The following SCN8A variants were observed in gnomAD, a reference collection of about 807,000 sequenced individuals.
The protein encoded by SCN8A is sodium channel protein type 8 subunit alpha.
In SCN8A, 30 loss-of-function variants were observed where a neutral mutation model predicts 184.1. That is an observed-to-expected ratio of 0.16 (90% CI 0.12 to 0.22). The LOEUF is 0.22. SCN8A is among the 10% of genes least tolerant of loss of function. The pLI is 1.00. For missense variants in SCN8A, 1,057 were observed against 2,498.9 expected (o/e 0.42, Z 12.30); for synonymous variants, 852 against 907.0 (o/e 0.94, Z 1.09).
At chr12:51,752,490 C>T (rs1942611339) in intron 14 of SCN8A, among the ~76,000 whole-genome samples, 3 of 152,124 alleles carry the variant, frequency 2.0e-5, no homozygotes, top group African/African-American at 7.2e-5. Context: ...TAGAGCACTA[C>T]AATATCATTT....
chr12:51,605,115 CTTTCT>C (rs1939559528), intron 1 of SCN8A, among the ~76,000 whole-genome samples: 1 of 150,386 alleles, frequency 6.6e-6, no homozygotes, highest in Non-Finnish European at 1.5e-5. Flanking sequence ...ATTGTCATAG[CTTTCT>C]TTTCTTTCCC....
At chr12:51,785,763 C>G (rs1340396750) in intron 21 of SCN8A, among the ~76,000 whole-genome samples, 2 of 152,086 alleles carry the variant, frequency 1.3e-5, no homozygotes, top group African/African-American at 4.8e-5. Flanking sequence ...CCAAAACTCT[C>G]TTAAAAACCT....
At chr12:51,690,419 G>A (rs1056038779) in intron 6 of SCN8A, among the ~76,000 whole-genome samples, 2 of 151,966 alleles carry the variant, frequency 1.3e-5, no homozygotes, top group Non-Finnish European at 2.9e-5. Flanking sequence ...GTGGTACGAT[G>A]ATGGCTCACT....
rs1592148218 is a variant in SCN8A at position 51,762,626 on chromosome 12, C to T, written c.2494C>T (p.Leu832=). ...TATTGTCTCCCTCAGTTTAATGGAA[C>T]TGAGTCTAGCAGACGTGGAGGGGCT... ...GFIVSLSLME[L]SLADVEGLSV... is the part of the protein sequence containing the mutation. Residue 832 remains leucine (L), a synonymous_variant, in exon 15 of 27, where the codon CTG becomes TTG. Coordinates refer to ENST00000627620, the MANE Select transcript of SCN8A (RefSeq NM_001330260.2). The T allele has an allele frequency of 6.2e-7, 1 of 1,611,954 alleles. No homozygotes were observed. Among genetic ancestry groups the T allele is most frequent in the East Asian group, 2.2e-5 (1 of 44,728 alleles).
intron 1 of SCN8A, among the ~76,000 whole-genome samples, chr12:51,613,053 C>T (rs2138581156): frequency 6.6e-6 from 1 of 152,192 alleles, no homozygotes; most frequent in South Asian, 2.1e-4. Context: ...AGAAGTTTTG[C>T]ATTATCTGTG....
At chr12:51,680,128 A>G (rs1400772688) in intron 2 of SCN8A, among the ~76,000 whole-genome samples, 1 of 152,126 alleles carries the variant, frequency 6.6e-6, no homozygotes, top group Non-Finnish European at 1.5e-5. Flanking sequence ...AGTATGGGAG[A>G]TTTACCTTCA....
Position 51,737,708 on chromosome 12 carries a change from A to G in SCN8A, c.1999-8195A>G, listed in dbSNP as rs546054329. Among the ~76,000 whole-genome samples the G allele has an allele frequency of 1.1e-4, 17 of 152,328 alleles. 1 individual carries two copies. In the South Asian group the frequency reaches 3.3e-3, roughly 30 times the overall value. On this transcript the variant is annotated intron_variant, in intron 12 of 26. Transcript: ENST00000627620. ...ACCAGCACGAGAAATTGAATTTTGT[A>G]AGTGATCATATAACACTTAGCAGGC...
rs950867413 is a variant in SCN8A at position 51,768,386 on chromosome 12, G to A, written c.2902-479G>A. On this transcript the variant is annotated intron_variant, in intron 16 of 26. Transcript: ENST00000627620. Reference sequence around the variant, plus strand: ...TTCTTAAAATATGATGACATGAAGTGTATTTCAGTTCTACCTTCTTGGTTT... The same window carrying A: ...TTCTTAAAATATGATGACATGAAGTATATTTCAGTTCTACCTTCTTGGTTT... Among the ~76,000 whole-genome samples, 45 of 152,042 alleles carry A rather than the reference G, an allele frequency of 3.0e-4. 1 individual carries two copies. Among genetic ancestry groups the A allele is most frequent in the Admixed American group, 2.1e-3 (32 of 15,252 alleles).
At chr12:51,598,856 T>A (rs1939403645) in intron 1 of SCN8A, among the ~76,000 whole-genome samples, 1 of 152,204 alleles carries the variant, frequency 6.6e-6, no homozygotes, top group Admixed American at 6.5e-5. Context: ...ATTTGAGGAT[T>A]TGGATTCTCA....
In SCN8A at chr12:51,807,501, T is replaced by TA; in HGVS notation, c.*73dup. On this transcript the variant is annotated 3_prime_UTR_variant, in exon 27 of 27. Coordinates refer to ENST00000627620, the MANE Select transcript of SCN8A (RefSeq NM_001330260.2). This position sits in a 1 kb window ranked among gnomAD's most constrained non-coding sequence, Gnocchi z 4.5. ...AAAGATTGTTTACAAACTTCCTGAA[T>TA]ATTATCAATGCAGAACAGCTGTGGA... 6.9e-7 allele frequency: 1 copy of TA among 1,449,956 alleles called. No homozygotes were observed. Among genetic ancestry groups the TA allele is most frequent in the Non-Finnish European group, 9.5e-7 (1 of 1,056,400 alleles). 89.8% of individuals were successfully genotyped at this position (1,449,956 alleles called of 1,614,324 possible).
chr12:51,789,445 G>A (rs377527672), intron 24 of SCN8A, 27 bp downstream of exon 24: 35 of 1,611,904 alleles, frequency 2.2e-5, no homozygotes, highest in Non-Finnish European at 2.7e-5. Flanking sequence ...CATTGCCAGT[G>A]GTTGGAAGTC....
Position 51,769,253 on chromosome 12 carries a change from C to T in SCN8A, c.3290C>T (p.Pro1097Leu). ...INNPNLTVRV[P>L]IAVGESDFEN... ...AACCCCAACTTGACTGTACGGGTACCCATTGCTGTGGGCGAGTCTGACTTT... is the reference window on the plus strand; with the variant it reads ...AACCCCAACTTGACTGTACGGGTACTCATTGCTGTGGGCGAGTCTGACTTT... The change falls in exon 17 of 27, where the codon CCC becomes CTC. Residue 1097 changes from proline (P) to leucine (L), a missense_variant. Physicochemically the swap from Pro to Leu is moderately conservative, Grantham distance 98. This residue lies in a region of SCN8A where 178 missense variants were observed against 259.6 expected (regional missense o/e 0.69). Coordinates refer to ENST00000627620, the MANE Select transcript of SCN8A (RefSeq NM_001330260.2). 1 of 1,612,734 alleles carries T rather than the reference C, an allele frequency of 6.2e-7. No individual in the cohort carries two copies. The highest frequency in any genetic ancestry group is 8.5e-7 in the Non-Finnish European group (1 of 1,178,878).
intron 1 of SCN8A, among the ~76,000 whole-genome samples, chr12:51,627,491 C>T (rs1446124867): frequency 1.3e-5 from 2 of 152,164 alleles, no homozygotes; most frequent in Non-Finnish European, 2.9e-5. Flanking sequence ...AAGGGATTCT[C>T]CTGCCTCAGC....
chr12:51,727,559 G>A lies in SCN8A; in HGVS notation c.1998+5651G>A, dbSNP rs142320446. ...TTGTGCAGCTGAGCCTGTAACAAAGGTACATCTCACGGAAGCCCAAGCAGA... is the reference window on the plus strand; with the variant it reads ...TTGTGCAGCTGAGCCTGTAACAAAGATACATCTCACGGAAGCCCAAGCAGA... On this transcript the variant is annotated intron_variant, in intron 12 of 26. Transcript: ENST00000627620. Among the ~76,000 whole-genome samples the A allele has an allele frequency of 3.2e-3, 493 of 152,222 alleles. 4 individuals carry two copies. The highest frequency in any genetic ancestry group is 0.011 in the African/African-American group (472 of 41,538).
chr12:51,777,729 G>T (rs1386301214), intron 20 of SCN8A, among the ~76,000 whole-genome samples: 3 of 152,102 alleles, frequency 2.0e-5, no homozygotes, highest in African/African-American at 4.8e-5. Flanking sequence ...CACACTGTGG[G>T]CCTATTTGTT....
chr12:51,794,295 C>G (rs1048645211), intron 25 of SCN8A, 76 bp from the exon 26 acceptor site: 3 of 1,443,626 alleles, frequency 2.1e-6, no homozygotes, highest in South Asian at 1.3e-5. Flanking sequence ...CCTCGATTAG[C>G]AGGGTGACAG....
intron 12 of SCN8A, among the ~76,000 whole-genome samples, chr12:51,725,879 G>A (rs138882540): frequency 6.6e-6 from 1 of 152,316 alleles, no homozygotes; most frequent in African/African-American, 2.4e-5. Flanking sequence ...CATTTTGGAT[G>A]CATCCACAGC....
chr12:51,670,486 A>G (rs1406189027), intron 2 of SCN8A, among the ~76,000 whole-genome samples: 1 of 152,220 alleles, frequency 6.6e-6, no homozygotes, highest in East Asian at 1.9e-4. Flanking sequence ...TGACTGAGGA[A>G]CAGTGGAAGA....
At chr12:51,734,675 A>C (rs1454597539) in intron 12 of SCN8A, among the ~76,000 whole-genome samples, 2 of 152,216 alleles carry the variant, frequency 1.3e-5, no homozygotes, top group African/African-American at 2.4e-5. Flanking sequence ...TTTTGGGGCC[A>C]GTTTATGGCC....
Sources: gnomAD v4.1 joint callset for allele counts (sites outside exome capture counted in the v4.1 genomes callset) on GRCh38, gnomAD v4.1.1 for gene constraint, gnomAD v4.1.1 regional missense constraint, Gnocchi (gnomAD v3.1) non-coding constraint, MANE v1.5 for transcripts, NCBI Gene and HGNC (gene_info 2026-07-23, HGNC 2026-07-21) for gene names.